The following PAPPA variants were observed in gnomAD, a reference collection of about 807,000 sequenced individuals.
The protein encoded by PAPPA is pappalysin-1.
A neutral mutation model predicts 164.0 loss-of-function variants in PAPPA; 60 were observed. The ratio of observed to expected loss-of-function variants is 0.37; its 90% CI spans 0.30 to 0.45. The LOEUF (loss-of-function observed/expected upper bound fraction) is 0.45, where lower values mean the gene tolerates loss of function less well. Ranked by LOEUF, PAPPA falls within the 20% of genes least tolerant of loss-of-function variation. The pLI, the probability that PAPPA is intolerant of heterozygous loss-of-function variation, is 1.00. For missense variants in PAPPA, 1,782 were observed against 2,087.3 expected (o/e 0.85, Z 2.85); for synonymous variants, 875 against 814.1 (o/e 1.07, Z -1.27).
intron 7 of PAPPA, among the ~76,000 whole-genome samples, chr9:116,255,332 G>A (rs79228265): frequency 0.026 from 3,923 of 151,908 alleles, 183 homozygotes; most frequent in African/African-American, 0.085. Context: ...ACATTGAATC[G>A]CAACTAAAAA....
chr9:116,306,980 ACTTAGACTAAG>A (rs1398380145), intron 10 of PAPPA, among the ~76,000 whole-genome samples: 1 of 152,204 alleles, frequency 6.6e-6, no homozygotes, highest in Non-Finnish European at 1.5e-5. Flanking sequence ...TGAGGGTAAA[ACTTAGACTAAG>A]CATTTCAAGG....
At position 116,402,197 on chromosome 9, in the gene PAPPA, T is replaced by C. The variant is rs1847068097; in HGVS notation, c.*5581T>C. 6.6e-6 allele frequency: 1 copy of C among 152,664 alleles called. No homozygotes were observed. The highest frequency in any genetic ancestry group is 1.5e-5 in the Non-Finnish European group (1 of 68,038). 9.5% of individuals were successfully genotyped at this position (152,664 alleles called of 1,614,324 possible). ...GGATTTGTTTTCCCATACTGTTTTC[T>C]CTGATCTCAATTACAGGTTGGATCT... is the stretch of plus-strand genomic sequence containing the variant. On this transcript the variant is annotated 3_prime_UTR_variant, in exon 22 of 22. Coordinates refer to ENST00000328252, the MANE Select transcript of PAPPA (RefSeq NM_002581.5).
intron 13 of PAPPA, among the ~76,000 whole-genome samples, chr9:116,338,853 A>G (rs1846097598): frequency 6.6e-6 from 1 of 152,170 alleles, no homozygotes. Flanking sequence ...TACCAAGACA[A>G]CTTTTTCCTA....
intron 1 of PAPPA, among the ~76,000 whole-genome samples, chr9:116,160,566 G>A (rs539519122): frequency 3.3e-5 from 5 of 152,178 alleles, no homozygotes; most frequent in Non-Finnish European, 7.3e-5. Context: ...CTGGCTGCAG[G>A]TGTCTCCAAT....
At chr9:116,333,743 G>A (rs146971135) in intron 12 of PAPPA, among the ~76,000 whole-genome samples, 257 of 152,278 alleles carry the variant, frequency 1.7e-3, no homozygotes, top group Non-Finnish European at 3.0e-3. Flanking sequence ...CATAGTTGTC[G>A]TTGCACAGCC....
At chr9:116,382,781 T>TG (rs756357985) in intron 21 of PAPPA, among the ~76,000 whole-genome samples, 2 of 151,858 alleles carry the variant, frequency 1.3e-5, no homozygotes, top group Non-Finnish European at 2.9e-5. Flanking sequence ...ACAAAGTGCT[T>TG]GGGGGGCTAG....
intron 7 of PAPPA, among the ~76,000 whole-genome samples, chr9:116,245,159 G>C (rs1404112176): frequency 1.3e-5 from 2 of 151,638 alleles, no homozygotes; most frequent in South Asian, 4.2e-4. Context: ...CACTCAGAAG[G>C]GTGGGGGAAT....
At chr9:116,332,580 T>C (rs1686979233) in intron 12 of PAPPA, 112 bp downstream of exon 12, 3 of 971,800 alleles carry the variant, frequency 3.1e-6, no homozygotes, top group Non-Finnish European at 4.5e-6. Context: ...TTTTCCCCTT[T>C]CTTGCTTCTT....
At chr9:116,208,940 T>C (rs1164032260) in intron 3 of PAPPA, among the ~76,000 whole-genome samples, 1 of 152,122 alleles carries the variant, frequency 6.6e-6, no homozygotes, top group Non-Finnish European at 1.5e-5. Context: ...CCAGGAGACA[T>C]TTGGCAATAT....
intron 4 of PAPPA, among the ~76,000 whole-genome samples, chr9:116,215,206 G>A (rs1420865440): frequency 1.3e-5 from 2 of 152,156 alleles, no homozygotes; most frequent in African/African-American, 4.8e-5. Context: ...TGAATGTTCG[G>A]TGCCCAGCTT....
chr9:116,194,478 T>A (rs1564179748), intron 2 of PAPPA, among the ~76,000 whole-genome samples: 1 of 152,242 alleles, frequency 6.6e-6, no homozygotes, highest in Non-Finnish European at 1.5e-5. Flanking sequence ...TTAATGTGAC[T>A]AATATTCATT....
intron 2 of PAPPA, among the ~76,000 whole-genome samples, chr9:116,192,095 G>T (rs1844049300): frequency 6.6e-6 from 1 of 152,136 alleles, no homozygotes; most frequent in African/African-American, 2.4e-5. Context: ...ATTCCATGTT[G>T]TCATTCTCTC....
intron 15 of PAPPA, among the ~76,000 whole-genome samples, chr9:116,348,375 G>A (rs992220142): frequency 1.3e-5 from 2 of 151,614 alleles, no homozygotes; most frequent in Non-Finnish European, 2.9e-5. Flanking sequence ...TCAAGCCAGG[G>A]GGTAAAGAGG....
At chr9:116,217,565 A>G (rs1844389950) in intron 4 of PAPPA, among the ~76,000 whole-genome samples, 1 of 152,144 alleles carries the variant, frequency 6.6e-6, no homozygotes, top group African/African-American at 2.4e-5. Context: ...TTATTGTTAG[A>G]TCAAAGAGAA....
intron 2 of PAPPA, among the ~76,000 whole-genome samples, chr9:116,200,906 ATAAC>A (rs1442094646): frequency 6.6e-6 from 1 of 152,230 alleles, no homozygotes; most frequent in Non-Finnish European, 1.5e-5. Flanking sequence ...GACTCATTCA[ATAAC>A]TAAATAAAGG....
intron 5 of PAPPA, among the ~76,000 whole-genome samples, chr9:116,225,012 G>A (rs1444407147): frequency 1.3e-5 from 2 of 152,200 alleles, no homozygotes; most frequent in African/African-American, 4.8e-5. Context: ...TCAGCTGGAT[G>A]ATTATTTGTT....
chr9:116,343,387 A>G (rs557509151), intron 13 of PAPPA, among the ~76,000 whole-genome samples: 1 of 152,320 alleles, frequency 6.6e-6, no homozygotes, highest in African/African-American at 2.4e-5. Flanking sequence ...CAACAGCATT[A>G]TAGAAAGAAG....
rs184095979 is a variant in PAPPA at position 116,203,244 on chromosome 9, G to T, written c.1479-4212G>T. Among the ~76,000 whole-genome samples the T allele has an allele frequency of 1.1e-3, 163 of 152,336 alleles. 2 individuals carry two copies. Among genetic ancestry groups the T allele is most frequent in the African/African-American group, 3.6e-3 (150 of 41,566 alleles). Reference sequence around the variant, plus strand: ...TTAGAGCAGAGAGGTTTGTTGGCAGGCTTTTCTACAACCTGTATTAGATAT... The same window carrying T: ...TTAGAGCAGAGAGGTTTGTTGGCAGTCTTTTCTACAACCTGTATTAGATAT... On this transcript the variant is annotated intron_variant, in intron 2 of 21. Coordinates refer to ENST00000328252, the MANE Select transcript of PAPPA (RefSeq NM_002581.5).
intron 7 of PAPPA, among the ~76,000 whole-genome samples, chr9:116,247,950 G>A (rs1844815802): frequency 6.6e-6 from 1 of 152,208 alleles, no homozygotes; most frequent in Admixed American, 6.5e-5. Context: ...CTAACAAGGA[G>A]TGGTGGGAAA....
Sources: allele counts gnomAD v4.1 joint callset (sites outside exome capture counted in the v4.1 genomes callset), GRCh38; gene constraint gnomAD v4.1.1; transcripts MANE v1.5; gene names NCBI Gene and HGNC (gene_info 2026-07-23, HGNC 2026-07-21).